Variants in SLC2A9 observed in about 807,000 individuals in gnomAD.
SLC2A9 encodes the protein solute carrier family 2 member 9.
A neutral mutation model predicts 50.6 loss-of-function variants in SLC2A9; 39 were observed. The ratio of observed to expected loss-of-function variants is 0.77; its 90% CI spans 0.60 to 1.01. The LOEUF is 1.01. Ranked by LOEUF, SLC2A9 falls within the 50% of genes least tolerant of loss-of-function variation. The pLI, the probability that SLC2A9 is intolerant of heterozygous loss-of-function variation, is 0.00. For synonymous variants in SLC2A9, 324 were observed against 276.9 expected, an observed-to-expected ratio of 1.17 and a Z score of -1.69; for missense variants, 686 against 677.6, an observed-to-expected ratio of 1.01 and a Z score of -0.14.
intron 3 of SLC2A9, among the ~76,000 whole-genome samples, chr4:9,816,109 G>A (rs995671695): frequency 6.6e-6 from 1 of 152,166 alleles, no homozygotes; most frequent in Non-Finnish European, 1.5e-5. Context: ...GGCAGAGGCT[G>A]CAGTGAGCTG....
At chr4:9,954,733 G>A (rs1282305663) in intron 5 of SLC2A9, among the ~76,000 whole-genome samples, 2 of 152,136 alleles carry the variant, frequency 1.3e-5, no homozygotes, top group Non-Finnish European at 2.9e-5. Context: ...GAGTAAAAGA[G>A]GTAGTGTCTG....
intron 6 of SLC2A9, among the ~76,000 whole-genome samples, chr4:9,927,760 C>T (rs1233265154): frequency 3.3e-5 from 5 of 152,082 alleles, no homozygotes; most frequent in East Asian, 3.9e-4. Context: ...AGCTTTATAA[C>T]GTTTTATTAT....
At chr4:9,955,867 ATTTTTTTTTTTT>A (rs1170286158) in intron 5 of SLC2A9, among the ~76,000 whole-genome samples, 2 of 61,692 alleles carry the variant, frequency 3.2e-5, no homozygotes, top group South Asian at 8.9e-4. Flanking sequence ...AAGCATCTGG[ATTTTTTTTTTTT>A]TTTTTTTTTT....
intron 10 of SLC2A9, among the ~76,000 whole-genome samples, chr4:9,865,166 G>C (rs896376959): frequency 2.0e-5 from 3 of 152,202 alleles, no homozygotes; most frequent in African/African-American, 4.8e-5. Context: ...TTTGCCCCCA[G>C]GGAACATTTG....
At chr4:9,851,785 T>C (rs796726256) in intron 10 of SLC2A9, among the ~76,000 whole-genome samples, 7 of 152,004 alleles carry the variant, frequency 4.6e-5, no homozygotes, top group South Asian at 2.1e-4. Flanking sequence ...TAATCACAAG[T>C]ACTAGCAGCA....
chr4:9,786,927 C>A (rs1719298521), intron 3 of SLC2A9, among the ~76,000 whole-genome samples: 1 of 152,178 alleles, frequency 6.6e-6, no homozygotes, highest in Admixed American at 6.5e-5. Flanking sequence ...GAGAATTATC[C>A]AGCCCCAAAT....
chr4:9,809,006 T>C (rs538147414), intron 3 of SLC2A9, among the ~76,000 whole-genome samples: 33 of 152,202 alleles, frequency 2.2e-4, no homozygotes, highest in Non-Finnish European at 4.0e-4. Context: ...TTTGAGTCAA[T>C]TGGCCTTTCT....
intron 3 of SLC2A9, among the ~76,000 whole-genome samples, chr4:9,820,676 A>G (rs942423708): frequency 6.6e-6 from 1 of 152,230 alleles, no homozygotes; most frequent in Non-Finnish European, 1.5e-5. Context: ...TAGATATTTA[A>G]CCAAGTATTT....
intron 10 of SLC2A9, among the ~76,000 whole-genome samples, chr4:9,836,625 G>A (rs1171131427): frequency 1.3e-5 from 2 of 152,210 alleles, no homozygotes; most frequent in African/African-American, 4.8e-5. Flanking sequence ...ATGTGAGCAG[G>A]GCCAATGAAG....
intron 8 of SLC2A9, among the ~76,000 whole-genome samples, chr4:9,891,059 T>C (rs1367230355): frequency 6.6e-6 from 1 of 152,180 alleles, no homozygotes; most frequent in East Asian, 1.9e-4. Flanking sequence ...GCAACCTGCA[T>C]GGAAGGTGAC....
chr4:9,971,382 G>A (rs929286893), intron 5 of SLC2A9, among the ~76,000 whole-genome samples: 1 of 152,000 alleles, frequency 6.6e-6, no homozygotes, highest in Non-Finnish European at 1.5e-5. Flanking sequence ...AATTTCTACA[G>A]AACAAATCTT....
intron 10 of SLC2A9, among the ~76,000 whole-genome samples, chr4:9,845,492 C>T (rs1429486514): frequency 2.2e-5 from 3 of 138,134 alleles, no homozygotes; most frequent in Admixed American, 7.3e-5. Context: ...TGCAGTGGCG[C>T]GATCTCGGCT....
chr4:9,933,966 G>A (rs758921703), intron 6 of SLC2A9, among the ~76,000 whole-genome samples: 2 of 152,140 alleles, frequency 1.3e-5, no homozygotes, highest in South Asian at 4.1e-4. Context: ...CCTTGTGATT[G>A]CATTGGGCTT....
intron 11 of SLC2A9, among the ~76,000 whole-genome samples, chr4:9,829,471 C>CA (rs33935471): frequency 0.77 from 104,613 of 135,810 alleles, 40,713 homozygotes; most frequent in Admixed American, 0.84. Context: ...ACAAAAATGT[C>CA]AAAAAAAAAA....
intron 3 of SLC2A9, among the ~76,000 whole-genome samples, chr4:9,803,838 T>C (rs1209558715): frequency 3.3e-5 from 5 of 152,348 alleles, no homozygotes; most frequent in African/African-American, 7.2e-5. Context: ...GAATGAAGGA[T>C]ATACTTATTA....
At chr4:9,774,914 T>C (rs574931468), downstream of SLC2A9, among the ~76,000 whole-genome samples, 97 of 152,142 alleles carry the variant, frequency 6.4e-4, no homozygotes, top group Non-Finnish European at 1.1e-3. Context: ...GCCCACCACA[T>C]ACCAGCAGAG....
intron 3 of SLC2A9, among the ~76,000 whole-genome samples, chr4:9,815,616 C>T (rs549966728): frequency 6.6e-6 from 1 of 152,320 alleles, no homozygotes; most frequent in East Asian, 1.9e-4. Flanking sequence ...CATTTGCATG[C>T]TTCATTTGTT....
chr4:9,944,900 C>CA (rs1748834330), intron 5 of SLC2A9, among the ~76,000 whole-genome samples: 1 of 152,122 alleles, frequency 6.6e-6, no homozygotes, highest in Non-Finnish European at 1.5e-5. Flanking sequence ...TGTTTCCACC[C>CA]ATATTATACA....
chr4:9,917,574 G>A (rs1319856237), intron 7 of SLC2A9, among the ~76,000 whole-genome samples: 1 of 151,878 alleles, frequency 6.6e-6, no homozygotes, highest in Admixed American at 6.6e-5. Flanking sequence ...CAGGTGATCC[G>A]CCTGCCTCAG....
Sources: allele counts gnomAD v4.1 joint callset (sites outside exome capture counted in the v4.1 genomes callset), GRCh38; gene constraint gnomAD v4.1.1; transcripts MANE v1.5; gene names NCBI Gene and HGNC (gene_info 2026-07-23, HGNC 2026-07-21).